The following ADCY9 variants were observed in gnomAD, a reference collection of about 807,000 sequenced individuals.
ADCY9 encodes the protein adenylate cyclase type 9.
In ADCY9, 50 loss-of-function variants were observed where a neutral mutation model predicts 101.5. The observed-to-expected ratio is 0.49, with a 90% CI of 0.39 to 0.62. ADCY9 has a LOEUF of 0.62. ADCY9 is among the 20% of genes least tolerant of loss of function. ADCY9 has a pLI of 0.00. For synonymous variants in ADCY9, 905 were observed against 769.3 expected (o/e 1.18, Z -2.92); for missense variants, 1,662 against 1,800.4 (o/e 0.92, Z 1.39).
rs956964465 is a variant in ADCY9, at chr16:3,965,161, G to C, written c.*614C>G. The stretch of plus-strand genomic sequence containing the variant: ...CACAGCCCACGGGGCGCGGTGCTCG[G>C]GAAAGTGCGGGTGGGCAATGGGGGG... On this transcript the variant is annotated 3_prime_UTR_variant, in exon 11 of 11. Coordinates refer to ENST00000294016, the MANE Select transcript of ADCY9 (RefSeq NM_001116.4). The C allele has an allele frequency of 6.4e-6, 1 of 157,078 alleles. No homozygotes were observed. Among genetic ancestry groups the C allele is most frequent in the Non-Finnish European group, 1.4e-5 (1 of 71,078 alleles). The allele number at this position is 157,078 out of a possible 1,614,324, so 9.7% of individuals were successfully genotyped here.
At position 4,115,155 on chromosome 16, in the gene ADCY9, G is replaced by C. The variant is rs2057141390; in HGVS notation, c.288C>G (p.Asp96Glu). ...ASSRWWDPKF[D>E]SVNLEEACLE... Reference sequence around the variant, plus strand: ...GGCAGGCCTCCTCCAGGTTCACCGAGTCGAACTTGGGGTCCCACCAGCGGC... The same window carrying C: ...GGCAGGCCTCCTCCAGGTTCACCGACTCGAACTTGGGGTCCCACCAGCGGC... Residue 96 changes from aspartate (D) to glutamate (E), a missense_variant, in exon 2 of 11, where the codon GAC becomes GAG. By Grantham distance (45) the Asp-to-Glu change is conservative. Coordinates refer to ENST00000294016, the MANE Select transcript of ADCY9 (RefSeq NM_001116.4). The surrounding 1 kb of genome is among the most constrained non-coding windows in gnomAD (Gnocchi z 6.2). 6.2e-7 allele frequency: 1 copy of C among 1,613,718 alleles called. No homozygotes were observed. The highest frequency in any genetic ancestry group is 2.2e-5 in the East Asian group (1 of 44,882).
intron 2 of ADCY9, among the ~76,000 whole-genome samples, chr16:4,045,150 T>C (rs78287334): frequency 0.013 from 1,937 of 148,284 alleles, 17 homozygotes; most frequent in Non-Finnish European, 0.022. Flanking sequence ...CTTTTGTTTT[T>C]TAAACTCCTT....
intron 2 of ADCY9, among the ~76,000 whole-genome samples, chr16:4,080,709 ATTT>A (rs2056896180): frequency 8.9e-6 from 1 of 112,506 alleles, no homozygotes; most frequent in South Asian, 3.2e-4. Flanking sequence ...TACCAGAAAC[ATTT>A]TTTTCGTTTT....
At chr16:4,096,732 A>G (rs1440873693) in intron 2 of ADCY9, among the ~76,000 whole-genome samples, 1 of 152,234 alleles carries the variant, frequency 6.6e-6, no homozygotes, top group East Asian at 1.9e-4. Context: ...TTAATGGTAT[A>G]TTGCATTTAA....
rs1174760230 is a variant in ADCY9 at position 4,114,820 on chromosome 16, G to A, written c.623C>T (p.Thr208Met). 1.2e-6 allele frequency: 2 copies of A among 1,613,446 alleles called. No individual in the cohort carries two copies. Among genetic ancestry groups the A allele is most frequent in the South Asian group, 2.2e-5 (2 of 91,090 alleles). ...VSGRGDSSNL[T>M]ATARPTDTCL... The stretch of plus-strand genomic sequence containing the variant: ...AGTATCTGTGGGCCGGGCTGTGGCC[G>A]TAAGGTTGGAGCTGTCGCCGCGTCC... Residue 208 changes from threonine to methionine, a missense_variant, in exon 2 of 11, where the codon ACG (threonine) becomes ATG (methionine). Around this residue, in one of 5 missense-constraint regions of ADCY9, gnomAD observed 422 missense variants for 392.0 expected, o/e 1.08. Coordinates refer to ENST00000294016, the MANE Select transcript of ADCY9 (RefSeq NM_001116.4). The surrounding 1 kb of genome is among the most constrained non-coding windows in gnomAD (Gnocchi z 4.3).
At chr16:4,081,912 G>A (rs2056906058) in intron 2 of ADCY9, among the ~76,000 whole-genome samples, 2 of 152,002 alleles carry the variant, frequency 1.3e-5, no homozygotes, top group African/African-American at 4.8e-5. Flanking sequence ...GGGGTGCGGA[G>A]GGGCACTGCC....
chr16:4,052,729 T>C (rs942316579), intron 2 of ADCY9, among the ~76,000 whole-genome samples: 2 of 152,198 alleles, frequency 1.3e-5, no homozygotes, highest in African/African-American at 2.4e-5. Context: ...TGAGGTACTT[T>C]GGTACAGTAG....
chr16:4,030,926 T>C (rs930567653), intron 2 of ADCY9, among the ~76,000 whole-genome samples: 19 of 152,186 alleles, frequency 1.2e-4, no homozygotes, highest in Non-Finnish European at 5.9e-5. Flanking sequence ...ACTGTACACT[T>C]ATGCATTTTA....
chr16:4,071,156 C>G (rs918797814), intron 2 of ADCY9, among the ~76,000 whole-genome samples: 21 of 143,692 alleles, frequency 1.5e-4, no homozygotes, highest in Non-Finnish European at 3.0e-4. Flanking sequence ...ATGGTAATAT[C>G]CCATCTCTCC....
chr16:4,015,943 G>C (rs2056435722), intron 2 of ADCY9, among the ~76,000 whole-genome samples: 1 of 151,514 alleles, frequency 6.6e-6, no homozygotes, highest in Non-Finnish European at 1.5e-5. Flanking sequence ...ACTCTAGCCT[G>C]GGTGACAGAA....
intron 2 of ADCY9, among the ~76,000 whole-genome samples, chr16:4,097,758 G>A (rs1225096363): frequency 6.6e-6 from 1 of 151,164 alleles, no homozygotes; most frequent in African/African-American, 2.4e-5. Flanking sequence ...CGTTGGCCAG[G>A]CTGTTCTTGA....
At position 4,078,632 on chromosome 16, in the gene ADCY9, T is replaced by C. The variant is rs557589336; in HGVS notation, c.1693+35118A>G. Among the ~76,000 whole-genome samples, 4 of 151,456 alleles carry C rather than the reference T, an allele frequency of 2.6e-5. No individual in the cohort carries two copies. The South Asian group carries it at 8.4e-4, about 32-fold the overall frequency. The stretch of plus-strand genomic sequence containing the variant: ...TATAGGTTAATATTTTACATAGTCC[T>C]CAGGTGGGGAAGGCTTTTCTAACCA... On this transcript the variant is annotated intron_variant, in intron 2 of 10. Coordinates refer to ENST00000294016, the MANE Select transcript of ADCY9 (RefSeq NM_001116.4).
chr16:4,051,700 AT>A (rs2056703082), intron 2 of ADCY9, among the ~76,000 whole-genome samples: 1 of 152,170 alleles, frequency 6.6e-6, no homozygotes, highest in African/African-American at 2.4e-5. Context: ...ATAGGAGTCT[AT>A]GAGTGTATTG....
At chr16:3,968,307 T>C (rs1442453778) in intron 10 of ADCY9, among the ~76,000 whole-genome samples, 1 of 152,048 alleles carries the variant, frequency 6.6e-6, no homozygotes, top group Non-Finnish European at 1.5e-5. Flanking sequence ...TAATTTTGTA[T>C]TTTTAGTAGA....
At chr16:4,091,218 C>T (rs949808372) in intron 2 of ADCY9, among the ~76,000 whole-genome samples, 2 of 152,160 alleles carry the variant, frequency 1.3e-5, no homozygotes, top group Admixed American at 1.3e-4. Context: ...GGATTATAAG[C>T]ACGCGCCATG....
At chr16:4,050,080 G>T (rs1008192785) in intron 2 of ADCY9, among the ~76,000 whole-genome samples, 2 of 152,070 alleles carry the variant, frequency 1.3e-5, no homozygotes, top group Non-Finnish European at 2.9e-5. Context: ...GGGCCGAAGT[G>T]GGGGTGGGGA....
At chr16:4,095,976 C>CAAAAAAAAAAAAAAAAAAAA (rs56897380) in intron 2 of ADCY9, among the ~76,000 whole-genome samples, 2 of 115,486 alleles carry the variant, frequency 1.7e-5, no homozygotes, top group African/African-American at 3.2e-5. Flanking sequence ...GACTCTATCT[C>CAAAAAAAAAAAAAAAAAAAA]AAAAAAAAAA....
intron 2 of ADCY9, among the ~76,000 whole-genome samples, chr16:4,040,581 C>T (rs776453591): frequency 6.6e-6 from 1 of 152,040 alleles, no homozygotes. Context: ...TTCGGCCTCC[C>T]GAGTAGCTAG....
chr16:4,027,988 C>G (rs939382812), intron 2 of ADCY9, among the ~76,000 whole-genome samples: 1 of 151,998 alleles, frequency 6.6e-6, no homozygotes, highest in Non-Finnish European at 1.5e-5. Flanking sequence ...CCCACTGGGT[C>G]CCTCCCACAA....
Sources: allele counts gnomAD v4.1 joint callset (sites outside exome capture counted in the v4.1 genomes callset), GRCh38; gene constraint gnomAD v4.1.1; regional missense constraint gnomAD v4.1.1; non-coding constraint Gnocchi (gnomAD v3.1); transcripts MANE v1.5; gene names NCBI Gene and HGNC (gene_info 2026-07-23, HGNC 2026-07-21).